DLC1: variants seen among roughly 807,000 people sequenced by gnomAD.
The protein encoded by DLC1 is rho GTPase-activating protein 7.
In DLC1, 54 loss-of-function variants were observed where a neutral mutation model predicts 140.3. That is an observed-to-expected ratio of 0.38 (90% CI 0.31 to 0.48). The LOEUF is 0.48. DLC1 is among the 20% of genes least tolerant of loss of function. DLC1 has a pLI of 0.96. For synonymous variants in DLC1, 986 were observed against 728.1 expected (o/e 1.35, Z -5.70); for missense variants, 2,536 against 1,907.0 (o/e 1.33, Z -6.14).
At chr8:13,223,677 G>A (rs917906820) in intron 5 of DLC1, among the ~76,000 whole-genome samples, 2 of 152,108 alleles carry the variant, frequency 1.3e-5, no homozygotes, top group African/African-American at 2.4e-5. Context: ...TAACACCATT[G>A]GAATGTCAAT....
chr8:13,468,337 CAT>C, intron 2 of DLC1, among the ~76,000 whole-genome samples: 3 of 113,338 alleles, frequency 2.6e-5, no homozygotes, highest in South Asian at 3.5e-4. Context: ...CCCTTCCCCC[CAT>C]TCCCCTCCCC....
At chr8:13,159,076 C>G (rs1449417562) in intron 5 of DLC1, among the ~76,000 whole-genome samples, 1 of 152,128 alleles carries the variant, frequency 6.6e-6, no homozygotes, top group African/African-American at 2.4e-5. Flanking sequence ...GCTTCATATT[C>G]AAATTCCACT....
intron 5 of DLC1, among the ~76,000 whole-genome samples, chr8:13,164,880 G>A (rs1189338035): frequency 1.3e-5 from 2 of 152,166 alleles, no homozygotes; most frequent in East Asian, 3.9e-4. Context: ...GTTATGAAAT[G>A]GAATCTGAAT....
At chr8:13,484,046 C>T (rs568417985) in intron 2 of DLC1, among the ~76,000 whole-genome samples, 2 of 152,210 alleles carry the variant, frequency 1.3e-5, no homozygotes, top group South Asian at 4.2e-4. Flanking sequence ...TGCCATTGCA[C>T]TCCAGCCTGG....
chr8:13,124,793 C>G (rs1329673414), intron 5 of DLC1, among the ~76,000 whole-genome samples: 8 of 152,170 alleles, frequency 5.3e-5, no homozygotes, highest in Admixed American at 3.3e-4. Context: ...CTAAGACCAC[C>G]TCTAGAAAGG....
In DLC1 at chr8:13,100,528, G is replaced by A. The variant is rs1284959239; in HGVS notation, c.1809C>T (p.Leu603=). ...SVRSLSSTGS[L]PSHAPPSEDA... Reference sequence around the variant, plus strand: ...CCTCGCTGGGGGGCGCGTGGCTGGGGAGGCTGCCAGTGCTGCTGAGGCTGC... The same window carrying A: ...CCTCGCTGGGGGGCGCGTGGCTGGGAAGGCTGCCAGTGCTGCTGAGGCTGC... The change falls in exon 9 of 18, where the codon CTC becomes CTT. Residue 603 remains leucine (L), a synonymous_variant. Coordinates refer to ENST00000276297, the MANE Select transcript of DLC1 (RefSeq NM_182643.3). The A allele has an allele frequency of 4.3e-6, 7 of 1,612,712 alleles. No individual in the cohort carries two copies. The highest frequency in any genetic ancestry group is 5.9e-6 in the Non-Finnish European group (7 of 1,179,890).
intron 5 of DLC1, among the ~76,000 whole-genome samples, chr8:13,263,548 C>T (rs757980848): frequency 4.0e-5 from 6 of 150,670 alleles, no homozygotes; most frequent in East Asian, 1.9e-4. Context: ...AAAAACTATT[C>T]GTCATATATT....
intron 5 of DLC1, among the ~76,000 whole-genome samples, chr8:13,283,094 G>A (rs1049260950): frequency 6.6e-6 from 1 of 152,276 alleles, no homozygotes; most frequent in Non-Finnish European, 1.5e-5. Context: ...ATTCAGTGAT[G>A]ATTTAAAAGT....
At chr8:13,579,351 ATATATATATATTTTTAT>A in intron 1 of DLC1, among the ~76,000 whole-genome samples, 1 of 30,324 alleles carries the variant, frequency 3.3e-5, no homozygotes, top group African/African-American at 1.5e-4. Flanking sequence ...ATATATATAT[ATATATATATATTTTTAT>A]ATAATACATA....
intron 5 of DLC1, among the ~76,000 whole-genome samples, chr8:13,189,728 C>A (rs925853480): frequency 6.6e-6 from 1 of 151,890 alleles, no homozygotes; most frequent in East Asian, 1.9e-4. Context: ...ACTAAAAATA[C>A]AAAATTAGCC....
At chr8:13,186,609 C>T (rs912141827) in intron 5 of DLC1, among the ~76,000 whole-genome samples, 1 of 152,098 alleles carries the variant, frequency 6.6e-6, no homozygotes. Context: ...TCCTTTAGCT[C>T]GGAGAAATTT....
At chr8:13,527,530 T>C (rs1802957596) in intron 1 of DLC1, among the ~76,000 whole-genome samples, 1 of 152,156 alleles carries the variant, frequency 6.6e-6, no homozygotes, top group African/African-American at 2.4e-5. Context: ...AGGGGATAAC[T>C]GTCTGTTGTT....
intron 5 of DLC1, among the ~76,000 whole-genome samples, chr8:13,188,801 G>GTGTATGTGTGTA (rs1293675412): frequency 1.4e-5 from 1 of 71,884 alleles, no homozygotes; most frequent in African/African-American, 6.6e-5. Context: ...GTGTGTGTGT[G>GTGTATGTGTGTA]TATATATATA....
intron 1 of DLC1, among the ~76,000 whole-genome samples, chr8:13,595,579 A>G (rs1805656252): frequency 6.6e-6 from 1 of 152,062 alleles, no homozygotes; most frequent in African/African-American, 2.4e-5. Context: ...GATTAAGGGA[A>G]AAAGTGAGGA....
chr8:13,555,493 A>T (rs1014291322), intron 1 of DLC1, among the ~76,000 whole-genome samples: 4 of 152,006 alleles, frequency 2.6e-5, no homozygotes, highest in African/African-American at 9.6e-5. Flanking sequence ...TAATTTTTTT[A>T]AATTTTTTAT....
At chr8:13,102,558 T>C (rs1585625730) in intron 8 of DLC1, among the ~76,000 whole-genome samples, 1 of 152,160 alleles carries the variant, frequency 6.6e-6, no homozygotes, top group East Asian at 1.9e-4. Context: ...GGCAAAATAA[T>C]AGCTGATGTG....
At chr8:13,410,174 C>A (rs1837725489) in intron 2 of DLC1, among the ~76,000 whole-genome samples, 1 of 151,784 alleles carries the variant, frequency 6.6e-6, no homozygotes, top group Non-Finnish European at 1.5e-5. Flanking sequence ...TTACAAACAA[C>A]AAAATAAATT....
intron 5 of DLC1, among the ~76,000 whole-genome samples, chr8:13,281,936 C>G (rs1168789512): frequency 6.6e-6 from 1 of 152,132 alleles, no homozygotes; most frequent in Non-Finnish European, 1.5e-5. Context: ...CTGCGCCTTG[C>G]CAGACAGCTT....
At chr8:13,424,554 G>A (rs995702400) in intron 2 of DLC1, among the ~76,000 whole-genome samples, 1 of 151,980 alleles carries the variant, frequency 6.6e-6, no homozygotes, top group Non-Finnish European at 1.5e-5. Flanking sequence ...TCTTCCTTGT[G>A]CTGTTGGTCC....
Sources: gnomAD v4.1 joint callset for allele counts (sites outside exome capture counted in the v4.1 genomes callset) on GRCh38, gnomAD v4.1.1 for gene constraint, MANE v1.5 for transcripts, NCBI Gene and HGNC (gene_info 2026-07-23, HGNC 2026-07-21) for gene names.